Variants in PDE10A observed in about 807,000 individuals in gnomAD.
PDE10A encodes phosphodiesterase 10A.
PDE10A carries 39 observed loss-of-function variants against 97.7 expected under a neutral mutation model. The ratio of observed to expected loss-of-function variants is 0.40; its 90% CI spans 0.31 to 0.52. The LOEUF (loss-of-function observed/expected upper bound fraction) is 0.52. PDE10A is among the 20% of genes least tolerant of loss of function. The pLI is 0.56. For missense variants in PDE10A, 731 were observed against 1,047.8 expected, an observed-to-expected ratio of 0.70 and a Z score of 4.17; for synonymous variants, 371 against 376.8, an observed-to-expected ratio of 0.98 and a Z score of 0.18.
chr6:165,852,709 G>A (rs1474312667), intron 1 of PDE10A, among the ~76,000 whole-genome samples: 2 of 152,204 alleles, frequency 1.3e-5, no homozygotes, highest in African/African-American at 2.4e-5. Context: ...TTACTTCACT[G>A]TACAATGAAC....
chr6:165,981,712 C>A (rs1785022985), intron 1 of PDE10A, among the ~76,000 whole-genome samples: 1 of 152,194 alleles, frequency 6.6e-6, no homozygotes, highest in African/African-American at 2.4e-5. Context: ...AAACGATAAC[C>A]ACCTTTGCCA....
intron 1 of PDE10A, among the ~76,000 whole-genome samples, chr6:165,800,720 G>A (rs1003162110): frequency 6.6e-6 from 1 of 152,212 alleles, no homozygotes; most frequent in Admixed American, 6.5e-5. Context: ...TCAATCGATG[G>A]GCAAGGTACG....
At chr6:165,512,523 T>C (rs1034302004) in intron 2 of PDE10A, among the ~76,000 whole-genome samples, 2 of 152,094 alleles carry the variant, frequency 1.3e-5, no homozygotes, top group Admixed American at 6.6e-5. Flanking sequence ...AGAAATCCAT[T>C]ATTAGTCTGA....
chr6:165,542,562 C>A (rs1451330168), intron 2 of PDE10A, among the ~76,000 whole-genome samples: 1 of 150,536 alleles, frequency 6.6e-6, no homozygotes, highest in African/African-American at 2.4e-5. Context: ...AGTGGTTCTG[C>A]ACTCCTTTTC....
chr6:165,902,161 G>T (rs752690105), intron 1 of PDE10A, among the ~76,000 whole-genome samples: 20 of 152,180 alleles, frequency 1.3e-4, no homozygotes, highest in Admixed American at 4.6e-4. Context: ...ATTTCTGTCT[G>T]ACAAGCTCAT....
chr6:165,336,930 A>G (rs997640906), intron 20 of PDE10A, among the ~76,000 whole-genome samples: 1 of 151,938 alleles, frequency 6.6e-6, no homozygotes, highest in Non-Finnish European at 1.5e-5. Flanking sequence ...TTTCATACAT[A>G]TGGCTCTTTC....
At chr6:165,541,317 A>G (rs1783424784) in intron 2 of PDE10A, among the ~76,000 whole-genome samples, 1 of 152,172 alleles carries the variant, frequency 6.6e-6, no homozygotes, top group Non-Finnish European at 1.5e-5. Flanking sequence ...CTTATAAGAA[A>G]AAAAAAAAGT....
At chr6:165,833,087 T>G (rs1779970220) in intron 1 of PDE10A, among the ~76,000 whole-genome samples, 1 of 152,222 alleles carries the variant, frequency 6.6e-6, no homozygotes, top group South Asian at 2.1e-4. Context: ...TCCTATAACA[T>G]CTTTATTCTC....
intron 2 of PDE10A, among the ~76,000 whole-genome samples, chr6:165,488,699 G>A (rs1199647703): frequency 6.6e-6 from 1 of 152,104 alleles, no homozygotes; most frequent in African/African-American, 2.4e-5. Context: ...CCTGGGGCAA[G>A]TTCTCAGCCC....
At chr6:165,520,516 C>G (rs902653331) in intron 2 of PDE10A, among the ~76,000 whole-genome samples, 2 of 152,056 alleles carry the variant, frequency 1.3e-5, no homozygotes, top group African/African-American at 4.8e-5. Flanking sequence ...CAGCTACTAC[C>G]CTGGGCACCT....
chr6:165,628,230 G>A (rs1788474374), intron 1 of PDE10A, among the ~76,000 whole-genome samples: 1 of 152,158 alleles, frequency 6.6e-6, no homozygotes, highest in African/African-American at 2.4e-5. Flanking sequence ...AATATTCAAT[G>A]GAGATAATAG....
intron 1 of PDE10A, chr6:165,894,445 C>T (rs1336011918): frequency 4.4e-6 from 2 of 455,744 alleles, no homozygotes; most frequent in African/African-American, 4.0e-5. Context: ...ATTCAGGCTC[C>T]AAAAAATCAA....
At chr6:165,958,073 T>C (rs1445296810) in intron 1 of PDE10A, among the ~76,000 whole-genome samples, 1 of 152,150 alleles carries the variant, frequency 6.6e-6, no homozygotes. Context: ...CTTCCCAGAA[T>C]GAGAACTCAC....
chr6:165,494,512 G>A (rs1780419052), intron 2 of PDE10A, among the ~76,000 whole-genome samples: 1 of 135,576 alleles, frequency 7.4e-6, no homozygotes, highest in Non-Finnish European at 1.6e-5. Context: ...ATTCCATGGT[G>A]TGTGCATATA....
intron 1 of PDE10A, among the ~76,000 whole-genome samples, chr6:165,906,030 T>TTCCCTTCTTCCCTCCC (rs1782265037): frequency 7.4e-4 from 2 of 2,694 alleles, no homozygotes; most frequent in Non-Finnish European, 1.3e-3. Context: ...CCTCCCTTCC[T>TTCCCTTCTTCCCTCCC]TCCTTCCTTC....
chr6:165,525,171 G>A (rs1016749401), intron 2 of PDE10A, among the ~76,000 whole-genome samples: 3 of 152,068 alleles, frequency 2.0e-5, no homozygotes, highest in African/African-American at 7.3e-5. Context: ...CCCATGAGGA[G>A]GTGCACTACA....
intron 1 of PDE10A, among the ~76,000 whole-genome samples, chr6:165,567,291 T>C (rs1784821688): frequency 6.6e-6 from 1 of 152,172 alleles, no homozygotes; most frequent in Non-Finnish European, 1.5e-5. Context: ...GGTTAGCAAC[T>C]GGAAGGGGAC....
chr6:165,958,555 A>C (rs13211302), intron 1 of PDE10A, among the ~76,000 whole-genome samples: 2 of 51,996 alleles, frequency 3.8e-5, no homozygotes, highest in African/African-American at 1.4e-4. Context: ...GAAAGAAAGA[A>C]AGAAAGAAAG....
intron 1 of PDE10A, among the ~76,000 whole-genome samples, chr6:165,970,282 A>T (rs948208988): frequency 6.6e-6 from 1 of 152,230 alleles, no homozygotes; most frequent in Non-Finnish European, 1.5e-5. Context: ...GCTATCAAAG[A>T]TGTTATTAGA....
Sources: gnomAD v4.1 joint callset for allele counts (sites outside exome capture counted in the v4.1 genomes callset) on GRCh38, gnomAD v4.1.1 for gene constraint, MANE v1.5 for transcripts, NCBI Gene and HGNC (gene_info 2026-07-23, HGNC 2026-07-21) for gene names.